TUBGCP5: variants seen among roughly 807,000 people sequenced by gnomAD.
The protein encoded by TUBGCP5 is gamma-tubulin complex component 5.
Under a neutral mutation model 134.7 loss-of-function variants are expected in TUBGCP5, and 98 were observed. The observed-to-expected ratio is 0.73, with a 90% CI of 0.62 to 0.86. TUBGCP5 has a LOEUF of 0.86. Ranked by LOEUF, TUBGCP5 falls within the 40% of genes least tolerant of loss-of-function variation. The pLI, the probability that TUBGCP5 is intolerant of heterozygous loss-of-function variation, is 0.00. For synonymous variants in TUBGCP5, 456 were observed against 431.4 expected, an observed-to-expected ratio of 1.06 and a Z score of -0.71; for missense variants, 1,150 against 1,244.8, an observed-to-expected ratio of 0.92 and a Z score of 1.15.
At chr15:23,008,427 T>G in intron 16 of TUBGCP5, 1 of 405,282 alleles carries the variant, frequency 2.5e-6, no homozygotes, top group Non-Finnish European at 4.5e-6. Flanking sequence ...CCACCATGCT[T>G]TTTGTATTTT....
In TUBGCP5 at chr15:23,004,365, G is replaced by A. The variant is rs1209968588; in HGVS notation, c.2713-138C>T. ...AAGCACATCTAGACAGTTTCATAAA[G>A]TACCATTCTTCAAAGGCTGGCTGGA... On this transcript the variant is annotated intron_variant, in intron 19 of 22. Coordinates refer to ENST00000615383, the MANE Select transcript of TUBGCP5 (RefSeq NM_052903.6). 14 of 1,037,126 alleles carry A rather than the reference G, an allele frequency of 1.3e-5. No homozygotes were observed. The Admixed American group carries it at 3.1e-4, about 23-fold the overall frequency. 64.2% of individuals were successfully genotyped at this position (1,037,126 alleles called of 1,614,324 possible).
At chr15:22,985,376 T>C (rs575606639) in intron 23 of TUBGCP5, among the ~76,000 whole-genome samples, 1 of 141,456 alleles carries the variant, frequency 7.1e-6, no homozygotes, top group South Asian at 2.2e-4. Flanking sequence ...GCGCCACCAC[T>C]CCTGGCTAAT....
In TUBGCP5 at chr15:22,999,758, C is replaced by T. The variant is rs770575718; in HGVS notation, c.*62G>A. ...TAAAAATATTTTCACTTTTCAGCTG[C>T]ACATGGTGGAAATGTACATGTATGA... is the stretch of plus-strand genomic sequence containing the variant. On this transcript the variant is annotated 3_prime_UTR_variant, in exon 23 of 23. Transcript: ENST00000615383. The T allele has an allele frequency of 2.4e-5, 37 of 1,527,538 alleles. No individual in the cohort carries two copies. Among genetic ancestry groups the T allele is most frequent in the Non-Finnish European group, 3.2e-5 (35 of 1,103,854 alleles). The allele number at this position is 1,527,538 out of a possible 1,614,324, so 94.6% of individuals were successfully genotyped here. A position where few individuals can be genotyped will look rare whatever the true frequency, so the allele number is the denominator to read the frequency against.
intron 18 of TUBGCP5, 39 bp from the exon 19 acceptor site, chr15:23,005,649 A>G: frequency 6.3e-7 from 1 of 1,591,882 alleles, no homozygotes; most frequent in Non-Finnish European, 8.6e-7. Flanking sequence ...CAGAAAGAGC[A>G]TCAACTCAAA....
intron 23 of TUBGCP5, among the ~76,000 whole-genome samples, chr15:22,983,837 A>G (rs2063601934): frequency 6.6e-6 from 1 of 152,008 alleles, no homozygotes; most frequent in South Asian, 2.1e-4. Context: ...AAAAACAACC[A>G]TTAGGCCAGG....
intron 23 of TUBGCP5, among the ~76,000 whole-genome samples, chr15:22,987,475 C>G (rs1013072327): frequency 6.6e-6 from 1 of 152,040 alleles, no homozygotes; most frequent in Non-Finnish European, 1.5e-5. Context: ...ATCCCTGGAA[C>G]CTGTGGCTGT....
chr15:23,030,466 T>C (rs778739260), intron 6 of TUBGCP5, among the ~76,000 whole-genome samples: 1 of 152,124 alleles, frequency 6.6e-6, no homozygotes, highest in Non-Finnish European at 1.5e-5. Context: ...TAAAATGGCA[T>C]AGTATTTGCA....
downstream of TUBGCP5, among the ~76,000 whole-genome samples, chr15:22,996,422 A>T (rs148878829): frequency 9.1e-4 from 139 of 152,144 alleles, no homozygotes; most frequent in African/African-American, 3.1e-3. Context: ...AGGCCAGAGG[A>T]CTACTTGGGC....
At chr15:23,016,154 T>G (rs2065301907) in intron 13 of TUBGCP5, among the ~76,000 whole-genome samples, 1 of 152,060 alleles carries the variant, frequency 6.6e-6, no homozygotes, top group Middle Eastern at 3.2e-3. Flanking sequence ...AATGAGAAAT[T>G]CAACAGAAAC....
chr15:23,038,053 C>T (rs929910141), intron 1 of TUBGCP5, among the ~76,000 whole-genome samples: 3 of 152,172 alleles, frequency 2.0e-5, no homozygotes, highest in Non-Finnish European at 4.4e-5. Flanking sequence ...CGTGAGCCAC[C>T]GCGCCCAGTC....
At chr15:23,035,581 C>T (rs1222886428) in intron 3 of TUBGCP5, among the ~76,000 whole-genome samples, 3 of 152,074 alleles carry the variant, frequency 2.0e-5, no homozygotes, top group African/African-American at 7.2e-5. Context: ...CTAATGCCAC[C>T]GCTGATCTGA....
intron 11 of TUBGCP5, 103 bp from the exon 12 acceptor site, chr15:23,019,437 T>C: frequency 1.3e-6 from 1 of 746,618 alleles, no homozygotes; most frequent in Non-Finnish European, 2.3e-6. Flanking sequence ...GTGATCGGAT[T>C]TCTATGTTTT....
intron 20 of TUBGCP5, 41 bp from the exon 21 acceptor site, chr15:23,003,194 T>C: frequency 6.3e-7 from 1 of 1,579,272 alleles, no homozygotes; most frequent in Non-Finnish European, 8.7e-7. Flanking sequence ...TGTAACTAGG[T>C]TTGGACACTG....
chr15:23,019,900 G>T (rs150974811), intron 11 of TUBGCP5, among the ~76,000 whole-genome samples: 16 of 152,246 alleles, frequency 1.1e-4, no homozygotes, highest in African/African-American at 3.9e-4. Flanking sequence ...GTGACACAGA[G>T]GCAGCAGGTG....
chr15:23,027,548 T>C (rs2066048234), intron 6 of TUBGCP5, among the ~76,000 whole-genome samples: 4 of 151,870 alleles, frequency 2.6e-5, no homozygotes. Context: ...ATCCAGGAGT[T>C]CAAGACCAGC....
At position 23,026,142 on chromosome 15, in the gene TUBGCP5, C is replaced by T. The variant is rs549962518; in HGVS notation, c.801G>A (p.Glu267=). ...YVPDDRVLVT[E]TQVIRETLWL... ...ATAGGGTTTCCCGAATAACCTGAGT[C>T]TCAGTAACCAAAACCCTGTCATCTG... The change falls in exon 8 of 23, where the codon GAG becomes GAA. Residue 267 remains glutamate (E), a synonymous_variant. Transcript: ENST00000615383. 1 of 1,610,442 alleles carries T rather than the reference C, an allele frequency of 6.2e-7. No individual in the cohort carries two copies. Among genetic ancestry groups the T allele is most frequent in the East Asian group, 2.2e-5 (1 of 44,652 alleles).
chr15:23,006,467 A>G lies in TUBGCP5; in HGVS notation c.2328-115T>C, dbSNP rs548310198. 8.4e-6 allele frequency: 6 copies of G among 713,052 alleles called. No homozygotes were observed. The African/African-American group carries it at 9.2e-5, about 11-fold the overall frequency. 44.2% of individuals were successfully genotyped at this position (713,052 alleles called of 1,614,324 possible). ...TATTCCCCAAAAGATACTGCATTTC[A>G]TAAAAGAAATGCAAACATTCCAACA... On this transcript the variant is annotated intron_variant, in intron 16 of 22. Coordinates refer to ENST00000615383, the MANE Select transcript of TUBGCP5 (RefSeq NM_052903.6).
chr15:23,010,096 C>A lies in TUBGCP5; in HGVS notation c.1993G>T (p.Ala665Ser). Residue 665 changes from alanine to serine, a missense_variant, in exon 15 of 23, where the codon GCT (alanine) becomes TCT (serine). This residue lies in a region of TUBGCP5 where 697 missense variants were observed against 850.1 expected (regional missense o/e 0.82). Coordinates refer to ENST00000615383, the MANE Select transcript of TUBGCP5 (RefSeq NM_052903.6). Reference protein sequence around the residue: ...LEQSDFHEKFAGGDVCVDRSS... With the variant: ...LEQSDFHEKFSGGDVCVDRSS... ...CTATCCACACATACATCACCACCAG[C>A]AAACTTCTCGTGAAAGTCACTCTGC... 6.2e-7 allele frequency: 1 copy of A among 1,613,982 alleles called. No individual in the cohort carries two copies. The highest frequency in any genetic ancestry group is 1.3e-5 in the African/African-American group (1 of 75,032).
chr15:23,027,163 C>T (rs1476994525), intron 7 of TUBGCP5, 29 bp downstream of exon 7: 1 of 1,517,960 alleles, frequency 6.6e-7, no homozygotes. Context: ...CTTCTATCAT[C>T]ACATTAAATG....
Sources: allele counts gnomAD v4.1 joint callset (sites outside exome capture counted in the v4.1 genomes callset), GRCh38; gene constraint gnomAD v4.1.1; regional missense constraint gnomAD v4.1.1; transcripts MANE v1.5; gene names NCBI Gene and HGNC (gene_info 2026-07-23, HGNC 2026-07-21).